The following RABGAP1L variants were observed in gnomAD, a reference collection of about 807,000 sequenced individuals.
RABGAP1L encodes rab GTPase-activating protein 1-like.
A neutral mutation model predicts 137.7 loss-of-function variants in RABGAP1L; 63 were observed. The observed-to-expected ratio is 0.46, with a 90% CI of 0.37 to 0.56. The LOEUF (loss-of-function observed/expected upper bound fraction) is 0.56, where lower values mean the gene tolerates loss of function less well. Ranked by LOEUF, RABGAP1L falls within the 20% of genes least tolerant of loss-of-function variation. The pLI, the probability that RABGAP1L is intolerant of heterozygous loss-of-function variation, is 0.00. For synonymous variants in RABGAP1L, 431 were observed against 433.7 expected, an observed-to-expected ratio of 0.99 and a Z score of 0.08; for missense variants, 1,095 against 1,244.0, an observed-to-expected ratio of 0.88 and a Z score of 1.80.
intron 10 of RABGAP1L, among the ~76,000 whole-genome samples, chr1:174,285,731 C>T (rs564938258): frequency 5.1e-4 from 77 of 152,202 alleles, no homozygotes; most frequent in Non-Finnish European, 9.9e-4. Flanking sequence ...GTGGGCTTGT[C>T]ATATATGGTC....
At position 174,686,213 on chromosome 1, in the gene RABGAP1L, AT is replaced by A. The variant is rs1678447739; in HGVS notation, c.1899+2618del. On this transcript the variant is annotated intron_variant, in intron 15 of 25. Transcript: ENST00000681986. ...AGCATTCTGGAAGTGAAGAGCAATT[AT>A]AGTAGATTCATGGTCCTAATTCTGA... Among the ~76,000 whole-genome samples the A allele has an allele frequency of 3.9e-5, 6 of 152,330 alleles. No homozygotes were observed. The South Asian group carries it at 1.2e-3, about 32-fold the overall frequency.
chr1:174,252,150 C>T (rs1672766702), intron 6 of RABGAP1L, among the ~76,000 whole-genome samples: 1 of 152,186 alleles, frequency 6.6e-6, no homozygotes, highest in African/African-American at 2.4e-5. Flanking sequence ...CTGCCTTGGC[C>T]TCCCAAAGTG....
intron 18 of RABGAP1L, among the ~76,000 whole-genome samples, chr1:174,765,718 A>G (rs561390187): frequency 6.6e-5 from 10 of 152,138 alleles, no homozygotes; most frequent in Non-Finnish European, 1.0e-4. Context: ...TTTTCTAGAT[A>G]ATGTCCTTTG....
chr1:174,573,209 GACA>G (rs1668117607), intron 13 of RABGAP1L, among the ~76,000 whole-genome samples: 1 of 146,420 alleles, frequency 6.8e-6, no homozygotes, highest in Non-Finnish European at 1.5e-5. Context: ...ATATATGTGT[GACA>G]TATATACACA....
At chr1:174,234,141 A>T in intron 4 of RABGAP1L, among the ~76,000 whole-genome samples, 1 of 115,488 alleles carries the variant, frequency 8.7e-6, no homozygotes, top group African/African-American at 4.9e-5. Flanking sequence ...AATTTGTTTG[A>T]GTTCATTGTA....
intron 11 of RABGAP1L, among the ~76,000 whole-genome samples, chr1:174,349,108 A>G (rs1682767914): frequency 1.1e-5 from 1 of 89,282 alleles, no homozygotes; most frequent in African/African-American, 7.0e-5. Flanking sequence ...CGGGGGGCTG[A>G]CACCCCCACC....
chr1:174,744,090 TAAAAAA>T (rs10694829), intron 17 of RABGAP1L, among the ~76,000 whole-genome samples: 1 of 45,128 alleles, frequency 2.2e-5, no homozygotes, highest in Non-Finnish European at 3.9e-5. Context: ...GTGAAATACG[TAAAAAA>T]AAAAAAAAAA....
chr1:174,390,082 A>T (rs1687099475), intron 12 of RABGAP1L, among the ~76,000 whole-genome samples: 1 of 152,190 alleles, frequency 6.6e-6, no homozygotes, highest in South Asian at 2.1e-4. Flanking sequence ...CTCTGATCAT[A>T]GATATATACT....
chr1:174,879,910 G>A (rs1222429787), intron 19 of RABGAP1L, among the ~76,000 whole-genome samples: 2 of 152,176 alleles, frequency 1.3e-5, no homozygotes, highest in East Asian at 3.9e-4. Flanking sequence ...TGGCCAACAT[G>A]GTGAAACCTT....
At chr1:174,966,157 G>T (rs1233594741) in intron 20 of RABGAP1L, among the ~76,000 whole-genome samples, 2 of 152,134 alleles carry the variant, frequency 1.3e-5, no homozygotes, top group Non-Finnish European at 2.9e-5. Flanking sequence ...GCATGTAATT[G>T]TAACCTGAAA....
chr1:174,990,082 G>T lies in RABGAP1L; in HGVS notation c.*81G>T. The stretch of plus-strand genomic sequence containing the variant: ...GGATTCTTCCTGGTGTCCCTTTGAA[G>T]GAAAGTCAAGGAGGCCAGAAAACAA... On this transcript the variant is annotated 3_prime_UTR_variant, in exon 26 of 26. Transcript: ENST00000681986. 7.1e-7 allele frequency: 1 copy of T among 1,405,802 alleles called. No homozygotes were observed. Among genetic ancestry groups the T allele is most frequent in the South Asian group, 1.4e-5 (1 of 72,824 alleles). 87.1% of individuals were successfully genotyped at this position (1,405,802 alleles called of 1,614,324 possible).
chr1:174,903,564 G>A (rs145901769), intron 19 of RABGAP1L, among the ~76,000 whole-genome samples: 4 of 152,142 alleles, frequency 2.6e-5, no homozygotes, highest in East Asian at 3.9e-4. Context: ...CAAATGAATT[G>A]GAATTATAAT....
rs1670625119 is a variant in RABGAP1L, at chr1:174,231,229, G to A, written c.416G>A (p.Cys139Tyr). 1.2e-6 allele frequency: 2 copies of A among 1,613,784 alleles called. No homozygotes were observed. Among genetic ancestry groups the A allele is most frequent in the Non-Finnish European group, 1.7e-6 (2 of 1,179,724 alleles). The change falls in exon 4 of 26, where the codon TGT becomes TAT. Residue 139 changes from cysteine to tyrosine, a missense_variant. Transcript: ENST00000681986. ...VLFNKLTYLGCMKVSSPRNEV... is the reference protein window; with the variant it reads ...VLFNKLTYLGYMKVSSPRNEV... ...TTTAATAAACTGACCTACTTAGGAT[G>A]TATGAAGGTTTCTTCCCCACGTAAT...
chr1:174,900,565 T>C (rs991824742), intron 19 of RABGAP1L, among the ~76,000 whole-genome samples: 1 of 152,200 alleles, frequency 6.6e-6, no homozygotes, highest in Non-Finnish European at 1.5e-5. Flanking sequence ...GTGCTTTCAC[T>C]TGATATAATT....
intron 1 of RABGAP1L, among the ~76,000 whole-genome samples, chr1:174,182,900 A>G (rs933184370): frequency 6.6e-6 from 1 of 152,134 alleles, no homozygotes; most frequent in Non-Finnish European, 1.5e-5. Flanking sequence ...TTTTTTTCCC[A>G]CTAAGTTATT....
intron 12 of RABGAP1L, among the ~76,000 whole-genome samples, chr1:174,385,798 G>A (rs745983117): frequency 6.6e-6 from 1 of 152,168 alleles, no homozygotes; most frequent in Non-Finnish European, 1.5e-5. Context: ...AACAATTTAG[G>A]TGTCACTGGT....
intron 14 of RABGAP1L, among the ~76,000 whole-genome samples, chr1:174,668,994 AT>A (rs1676981471): frequency 6.6e-6 from 1 of 152,026 alleles, no homozygotes; most frequent in Non-Finnish European, 1.5e-5. Context: ...TATAATTTTC[AT>A]TGTTAACCCC....
intron 17 of RABGAP1L, among the ~76,000 whole-genome samples, chr1:174,710,844 C>A (rs948157402): frequency 6.6e-6 from 1 of 152,210 alleles, no homozygotes; most frequent in Non-Finnish European, 1.5e-5. Context: ...TGTAAATAGG[C>A]TAAATACCCC....
In RABGAP1L at chr1:174,858,418, C is replaced by T. The variant is rs117675463; in HGVS notation, c.2340+46458C>T. ...TGGAAGATATTTTGGTTGCCATAACCTTGGGTTGTGAGATGCTACTGGTAT... is the reference window on the plus strand; with the variant it reads ...TGGAAGATATTTTGGTTGCCATAACTTTGGGTTGTGAGATGCTACTGGTAT... On this transcript the variant is annotated intron_variant, in intron 19 of 25. Coordinates refer to ENST00000681986, the MANE Select transcript of RABGAP1L (RefSeq NM_001366446.1). Among the ~76,000 whole-genome samples the T allele has an allele frequency of 1.8e-4, 28 of 152,202 alleles. No individual in the cohort carries two copies. The East Asian group carries it at 5.4e-3, about 29-fold the overall frequency.
Sources: gnomAD v4.1 joint callset for allele counts (sites outside exome capture counted in the v4.1 genomes callset) on GRCh38, gnomAD v4.1.1 for gene constraint, MANE v1.5 for transcripts, NCBI Gene and HGNC (gene_info 2026-07-23, HGNC 2026-07-21) for gene names.